LARP6: variants seen among roughly 807,000 people sequenced by gnomAD.
LARP6 encodes the protein la-related protein 6.
In LARP6, 18 loss-of-function variants were observed where a neutral mutation model predicts 32.8. The observed-to-expected ratio is 0.55, with a 90% CI of 0.38 to 0.81. LARP6 has a LOEUF of 0.81. Ranked by LOEUF, LARP6 falls within the 40% of genes least tolerant of loss-of-function variation. LARP6 has a pLI of 0.00. For missense variants in LARP6, 598 were observed against 663.1 expected (o/e 0.90, Z 1.08); for synonymous variants, 289 against 267.2 (o/e 1.08, Z -0.80).
At chr15:70,848,928 T>C (rs1211733733) in intron 1 of LARP6, 1 of 152,220 alleles carries the variant, frequency 6.6e-6, no homozygotes, top group African/African-American at 2.4e-5. Context: ...TTACACATTG[T>C]AATACAAAGA....
At position 70,829,528 on chromosome 15, in the gene LARP6, G is replaced by A. The variant is rs2032002953; in HGVS notation, c.*2524C>T. The A allele has an allele frequency of 6.6e-6, 1 of 152,292 alleles. No homozygotes were observed. Among genetic ancestry groups the A allele is most frequent in the Non-Finnish European group, 1.5e-5 (1 of 68,088 alleles). The allele number at this position is 152,292 out of a possible 1,614,324, so 9.4% of individuals were successfully genotyped here. A position where few individuals can be genotyped will look rare whatever the true frequency, so the allele number is the denominator to read the frequency against. On this transcript the variant is annotated 3_prime_UTR_variant, in exon 3 of 3. Transcript: ENST00000299213. ...CAAAAGGAGGCTTGCCTTTGGAGGT[G>A]ATGATCAGACAGCAGGATAAGTAGT...
chr15:70,834,973 T>A (rs1446798533), intron 2 of LARP6, among the ~76,000 whole-genome samples: 1 of 152,316 alleles, frequency 6.6e-6, no homozygotes, highest in Admixed American at 6.5e-5. Context: ...GAGAAGAACA[T>A]TCCTAAATAG....
In LARP6 at chr15:70,831,242, A is replaced by T. The variant is rs2032035090; in HGVS notation, c.*810T>A. 2 of 152,320 alleles carry T rather than the reference A, an allele frequency of 1.3e-5. No individual in the cohort carries two copies. Among genetic ancestry groups the T allele is most frequent in the Admixed American group, 1.3e-4 (2 of 15,282 alleles). The allele number at this position is 152,320 out of a possible 1,614,324, so 9.4% of individuals were successfully genotyped here. The stretch of plus-strand genomic sequence containing the variant: ...TACGCCAAGCTGCCTTTGCTCAGTA[A>T]AATTCCCTGTGATGAGACACCACTC... On this transcript the variant is annotated 3_prime_UTR_variant, in exon 3 of 3. Transcript: ENST00000299213.
At chr15:70,852,304 G>A (rs1023616392) in intron 1 of LARP6, 2 of 455,712 alleles carry the variant, frequency 4.4e-6, no homozygotes, top group African/African-American at 4.0e-5. Context: ...AACACTTGCT[G>A]AGACTCAAGC....
chr15:70,835,093 AT>A (rs1257511491), intron 2 of LARP6, among the ~76,000 whole-genome samples: 1 of 152,110 alleles, frequency 6.6e-6, no homozygotes, highest in Non-Finnish European at 1.5e-5. Context: ...TCATTTTGGG[AT>A]CCCCCACAAA....
chr15:70,841,014 T>C (rs1000239839), intron 1 of LARP6, among the ~76,000 whole-genome samples: 6 of 151,456 alleles, frequency 4.0e-5, no homozygotes, highest in East Asian at 2.0e-4. Flanking sequence ...CCTGGGTTCA[T>C]GCCATTCTCC....
chr15:70,838,908 C>A (rs1467459455), intron 1 of LARP6, among the ~76,000 whole-genome samples: 1 of 81,352 alleles, frequency 1.2e-5, no homozygotes. Flanking sequence ...GGCTCTCAGC[C>A]TCACAAAAAA....
chr15:70,842,800 G>A (rs534750840), intron 1 of LARP6, among the ~76,000 whole-genome samples: 1 of 152,160 alleles, frequency 6.6e-6, no homozygotes, highest in African/African-American at 2.4e-5. Context: ...ATACTGTGGA[G>A]GTGATATAAA....
At chr15:70,852,293 GA>G in intron 1 of LARP6, 1 of 455,790 alleles carries the variant, frequency 2.2e-6, no homozygotes, top group South Asian at 1.5e-5. Flanking sequence ...GCTTCAGACT[GA>G]ACACTTGCTG....
Position 70,836,299 on chromosome 15 carries a change from T to C in LARP6, c.407A>G (p.Lys136Arg). 6.2e-7 allele frequency: 1 copy of C among 1,614,004 alleles called. No individual in the cohort carries two copies. Among genetic ancestry groups the C allele is most frequent in the Non-Finnish European group, 8.5e-7 (1 of 1,179,850 alleles). Residue 136 changes from lysine to arginine, a missense_variant, in exon 2 of 3, where the codon AAA becomes AGA. Around this residue, in one of 3 missense-constraint regions of LARP6, gnomAD observed 69 missense variants for 116.7 expected, o/e 0.59. Transcript: ENST00000299213. ...YVSVKLLTSFKKVKHLTRDWR... is the reference protein window; with the variant it reads ...YVSVKLLTSFRKVKHLTRDWR... ...CTTCTGAGAACCAAGCCTCACCTTT[T>C]TGAAGGATGTGAGTAGCTTAACGCT...
At chr15:70,833,321 A>T (rs780742613) in intron 2 of LARP6, among the ~76,000 whole-genome samples, 37 of 152,208 alleles carry the variant, frequency 2.4e-4, no homozygotes, top group Non-Finnish European at 5.4e-4. Context: ...CATTTCAAAC[A>T]AGGGCACCAC....
At chr15:70,849,715 G>C (rs1257745249) in intron 1 of LARP6, 1 of 152,202 alleles carries the variant, frequency 6.6e-6, no homozygotes, top group Non-Finnish European at 1.5e-5. Flanking sequence ...AAATGACTGT[G>C]ATGAATTATT....
intron 1 of LARP6, among the ~76,000 whole-genome samples, chr15:70,844,366 ACT>A (rs1449428110): frequency 6.6e-5 from 10 of 151,760 alleles, no homozygotes; most frequent in African/African-American, 1.9e-4. Flanking sequence ...CTATTGTCCT[ACT>A]CTCTCTTCCA....
In LARP6 at chr15:70,832,995, T is replaced by C. The variant is rs1330751535; in HGVS notation, c.533A>G (p.Asn178Ser). 1.9e-6 allele frequency: 3 copies of C among 1,612,512 alleles called. No individual in the cohort carries two copies. The highest frequency in any genetic ancestry group is 2.5e-6 in the Non-Finnish European group (3 of 1,179,192). The change falls in exon 3 of 3, where the codon AAC becomes AGC. Residue 178 changes from asparagine (N) to serine (S), a missense_variant. Physicochemically the swap from Asn to Ser is conservative, Grantham distance 46. Coordinates refer to ENST00000299213, the MANE Select transcript of LARP6 (RefSeq NM_018357.4). Reference protein sequence around the residue: ...RRTTPVPLFPNENLPSKMLLV... With the variant: ...RRTTPVPLFPSENLPSKMLLV... Reference sequence around the variant, plus strand: ...GAGCATCTTGCTGGGGAGGTTCTCGTTGGGGAACAGTGGGACGGGGGTGGT... The same window carrying C: ...GAGCATCTTGCTGGGGAGGTTCTCGCTGGGGAACAGTGGGACGGGGGTGGT...
chr15:70,835,954 T>C (rs1015688824), intron 2 of LARP6, among the ~76,000 whole-genome samples: 3 of 152,180 alleles, frequency 2.0e-5, no homozygotes, highest in Non-Finnish European at 2.9e-5. Flanking sequence ...CTGGCAGGTA[T>C]CTCTCAAGGC....
chr15:70,838,041 T>G (rs1198430226), intron 1 of LARP6, among the ~76,000 whole-genome samples: 3 of 152,220 alleles, frequency 2.0e-5, no homozygotes, highest in African/African-American at 7.2e-5. Context: ...TTTTAATAAT[T>G]TTGTGCATGA....
intron 1 of LARP6, among the ~76,000 whole-genome samples, chr15:70,850,966 T>C (rs577835643): frequency 2.0e-5 from 3 of 152,152 alleles, no homozygotes; most frequent in Admixed American, 2.0e-4. Context: ...TCTAGAGACA[T>C]AAGAAGCAAA....
chr15:70,852,028 G>GT (rs1244313303), intron 1 of LARP6: 1 of 398,496 alleles, frequency 2.5e-6, no homozygotes, highest in African/African-American at 2.1e-5. Flanking sequence ...AGGAGATGAT[G>GT]TGAGTGGGTG....
chr15:70,851,148 C>T (rs1252655115), intron 1 of LARP6, among the ~76,000 whole-genome samples: 1 of 152,066 alleles, frequency 6.6e-6, no homozygotes, highest in Non-Finnish European at 1.5e-5. Flanking sequence ...AGTGTTAGGG[C>T]TTTATAGGGA....
Sources: gnomAD v4.1 joint callset for allele counts (sites outside exome capture counted in the v4.1 genomes callset) on GRCh38, gnomAD v4.1.1 for gene constraint, gnomAD v4.1.1 regional missense constraint, MANE v1.5 for transcripts, NCBI Gene and HGNC (gene_info 2026-07-23, HGNC 2026-07-21) for gene names.